Variants in FTO observed in about 807,000 individuals in gnomAD.
FTO encodes alpha-ketoglutarate-dependent dioxygenase FTO.
In FTO, 47 loss-of-function variants were observed where a neutral mutation model predicts 63.9. The ratio of observed to expected loss-of-function variants is 0.74; its 90% CI spans 0.58 to 0.94. FTO has a LOEUF of 0.94. Among genes scored for constraint, FTO ranks in the 40% least tolerant of loss-of-function variants. FTO has a pLI of 0.00. For missense variants in FTO, 562 were observed against 618.1 expected (o/e 0.91, Z 0.96); for synonymous variants, 207 against 224.4 (o/e 0.92, Z 0.69).
chr16:53,711,211 C>A, intron 1 of FTO: 2 of 369,374 alleles, frequency 5.4e-6, no homozygotes, highest in East Asian at 4.0e-5. Flanking sequence ...ATTCTGTAAA[C>A]TTATGTTGAG....
intron 8 of FTO, chr16:54,061,570 C>T (rs1300161216): frequency 6.6e-6 from 1 of 151,774 alleles, no homozygotes; most frequent in Admixed American, 6.6e-5. Flanking sequence ...AAGAACAAAG[C>T]GGAGTTTGAG....
intron 7 of FTO, among the ~76,000 whole-genome samples, chr16:53,921,286 G>T (rs1380121248): frequency 3.3e-5 from 5 of 152,146 alleles, no homozygotes; most frequent in African/African-American, 1.2e-4. Flanking sequence ...ATATAATCCA[G>T]TGTGCCCGAC....
chr16:54,038,920 T>G (rs1463847822), intron 8 of FTO, among the ~76,000 whole-genome samples: 5 of 152,174 alleles, frequency 3.3e-5, no homozygotes, highest in African/African-American at 4.8e-5. Context: ...CAAAATAAAC[T>G]AATACATCAT....
chr16:53,821,884 T>C (rs1255875445), intron 2 of FTO, among the ~76,000 whole-genome samples: 3 of 152,200 alleles, frequency 2.0e-5, no homozygotes, highest in Non-Finnish European at 2.9e-5. Flanking sequence ...TATGTATCAT[T>C]TGTGGGTTGG....
chr16:53,786,927 C>T (rs113572506), intron 1 of FTO, among the ~76,000 whole-genome samples: 343 of 151,538 alleles, frequency 2.3e-3, no homozygotes, highest in African/African-American at 6.7e-3. Flanking sequence ...CTGGCTAACA[C>T]GGTGAAATCC....
intron 8 of FTO, among the ~76,000 whole-genome samples, chr16:54,052,256 C>T (rs1191354454): frequency 6.6e-6 from 1 of 152,146 alleles, no homozygotes; most frequent in African/African-American, 2.4e-5. Flanking sequence ...TCTGTGTCCA[C>T]CACTATCAGA....
intron 3 of FTO, among the ~76,000 whole-genome samples, chr16:53,836,238 A>G (rs2079289641): frequency 6.6e-6 from 1 of 152,206 alleles, no homozygotes; most frequent in South Asian, 2.1e-4. Flanking sequence ...TCATAAACAT[A>G]CAGCTTGAAG....
Position 53,805,605 on chromosome 16 carries a change from C to T in FTO, c.46-4535C>T, listed in dbSNP as rs114133346. ...CTGGGACTGCAAGTGCACACCACCA[C>T]GCCTGGCTAGTTTTTGTATTTTTTC... On this transcript the variant is annotated intron_variant, in intron 1 of 8. Coordinates refer to ENST00000471389, the MANE Select transcript of FTO (RefSeq NM_001080432.3). 7.4e-3 allele frequency among the ~76,000 whole-genome samples: 1,118 copies of T among 152,108 alleles called. 14 individuals are homozygous for T. The highest frequency in any genetic ancestry group is 0.025 in the African/African-American group (1,027 of 41,486).
intron 7 of FTO, among the ~76,000 whole-genome samples, chr16:53,913,153 C>A (rs1404250965): frequency 6.6e-6 from 1 of 152,176 alleles, no homozygotes; most frequent in East Asian, 1.9e-4. Flanking sequence ...ATTAGTGTAG[C>A]CATTTTTAGC....
chr16:54,102,891 G>GTAAT (rs1200542218), intron 8 of FTO, among the ~76,000 whole-genome samples: 1 of 152,118 alleles, frequency 6.6e-6, no homozygotes, highest in African/African-American at 2.4e-5. Context: ...GGTGGCTTAT[G>GTAAT]CTTGTAATCT....
chr16:53,826,621 G>A (rs952188313), intron 3 of FTO, 130 bp downstream of exon 3: 17 of 818,348 alleles, frequency 2.1e-5, no homozygotes, highest in African/African-American at 1.0e-4. Context: ...ATGCACATGC[G>A]TGTGTGTGTA....
At chr16:53,740,154 A>G (rs2076497160) in intron 1 of FTO, among the ~76,000 whole-genome samples, 1 of 152,236 alleles carries the variant, frequency 6.6e-6, no homozygotes, top group Admixed American at 6.5e-5. Flanking sequence ...AACAAGAAGC[A>G]CCAGAACTTG....
chr16:53,761,952 G>A (rs185863038), intron 1 of FTO, among the ~76,000 whole-genome samples: 1 of 152,272 alleles, frequency 6.6e-6, no homozygotes, highest in East Asian at 1.9e-4. Context: ...AGAGATTAGT[G>A]GGAAGGAATA....
intron 1 of FTO, among the ~76,000 whole-genome samples, chr16:53,773,351 C>A (rs2077386988): frequency 6.6e-6 from 1 of 152,070 alleles, no homozygotes; most frequent in Non-Finnish European, 1.5e-5. Context: ...AAGTATCATT[C>A]TCCACACAGC....
In FTO at chr16:54,117,746, T is replaced by C. The variant is rs1425213277; in HGVS notation, c.*5831T>C. On this transcript the variant is annotated 3_prime_UTR_variant, in exon 9 of 9. Transcript: ENST00000471389. ...TTCTACAGTGGGAGTAGGTCACCCA[T>C]TGCAATTTTGGATTTGCTTAAAAAA... 4.6e-5 allele frequency: 7 copies of C among 152,224 alleles called. No individual in the cohort carries two copies. The highest frequency in any genetic ancestry group is 7.3e-5 in the Non-Finnish European group (5 of 68,032). 9.4% of individuals were successfully genotyped at this position (152,224 alleles called of 1,614,324 possible).
intron 8 of FTO, among the ~76,000 whole-genome samples, chr16:54,105,905 C>T (rs867630001): frequency 1.3e-5 from 2 of 151,484 alleles, no homozygotes; most frequent in Non-Finnish European, 2.9e-5. Flanking sequence ...GGAAATGTTA[C>T]CTGTCCTTTA....
intron 1 of FTO, among the ~76,000 whole-genome samples, chr16:53,728,463 T>C (rs146496426): frequency 1.3e-5 from 2 of 152,278 alleles, no homozygotes; most frequent in East Asian, 3.9e-4. Flanking sequence ...CAGATATTTA[T>C]AGAGCTCCTA....
chr16:53,867,870 G>T (rs1011709438), intron 4 of FTO, among the ~76,000 whole-genome samples: 1 of 152,054 alleles, frequency 6.6e-6, no homozygotes, highest in Admixed American at 6.6e-5. Flanking sequence ...TATACATTTT[G>T]ATGCTCTACT....
Position 54,056,773 on chromosome 16 carries a change from A to C in FTO, c.1365-54989A>C, listed in dbSNP as rs564287929. Reference sequence around the variant, plus strand: ...GATTGCATTCTTATGAGAAACCCTAAAACCAGAGCCATCAGCTCCCAAATT... The same window carrying C: ...GATTGCATTCTTATGAGAAACCCTACAACCAGAGCCATCAGCTCCCAAATT... On this transcript the variant is annotated intron_variant, in intron 8 of 8. Transcript: ENST00000471389. Among the ~76,000 whole-genome samples, 44 of 152,308 alleles carry C rather than the reference A, an allele frequency of 2.9e-4. 1 individual carries two copies. The South Asian group carries it at 8.9e-3, about 31-fold the overall frequency.
Sources: allele counts gnomAD v4.1 joint callset (sites outside exome capture counted in the v4.1 genomes callset), GRCh38; gene constraint gnomAD v4.1.1; transcripts MANE v1.5; gene names NCBI Gene and HGNC (gene_info 2026-07-23, HGNC 2026-07-21).